Variants in PPP2R3A observed in about 807,000 individuals in gnomAD.
PPP2R3A encodes protein phosphatase 2 regulatory subunit B''alpha, also known as serine/threonine-protein phosphatase 2A regulatory subunit B'' subunit alpha.
A neutral mutation model predicts 106.9 loss-of-function variants in PPP2R3A; 80 were observed. That is an observed-to-expected ratio of 0.75 (90% CI 0.62 to 0.90). The LOEUF (loss-of-function observed/expected upper bound fraction) is 0.90. Ranked by LOEUF, PPP2R3A falls within the 40% of genes least tolerant of loss-of-function variation. PPP2R3A has a pLI of 0.00. For synonymous variants in PPP2R3A, 483 were observed against 468.3 expected (o/e 1.03, Z -0.41); for missense variants, 1,386 against 1,350.4 (o/e 1.03, Z -0.41).
intron 10 of PPP2R3A, among the ~76,000 whole-genome samples, chr3:136,094,608 C>T (rs1379107824): frequency 2.0e-5 from 3 of 152,128 alleles, no homozygotes; most frequent in East Asian, 1.9e-4. Context: ...CGTATACATA[C>T]ACAGATATGG....
At chr3:136,075,711 T>C (rs1279781952) in intron 6 of PPP2R3A, among the ~76,000 whole-genome samples, 5 of 152,144 alleles carry the variant, frequency 3.3e-5, no homozygotes, top group Admixed American at 2.0e-4. Flanking sequence ...ATATAAAGTA[T>C]TTGAGTATAT....
intron 5 of PPP2R3A, among the ~76,000 whole-genome samples, chr3:136,060,606 C>T (rs56954147): frequency 7.6e-4 from 116 of 152,250 alleles, no homozygotes; most frequent in African/African-American, 2.6e-3. Context: ...CTTCGCCTTT[C>T]GCCATGATTG....
At position 136,116,952 on chromosome 3, in the gene PPP2R3A, A is replaced by G. The variant is rs551719916; in HGVS notation, c.3329+10630A>G. ...GAATATACATTCTCCTCAACACCAC[A>G]TCGCACTTATTCTACAATTGACCAC... is the stretch of plus-strand genomic sequence containing the variant. On this transcript the variant is annotated intron_variant, in intron 13 of 13. Coordinates refer to ENST00000264977, the MANE Select transcript of PPP2R3A (RefSeq NM_002718.5). Among the ~76,000 whole-genome samples, 5 of 152,356 alleles carry G rather than the reference A, an allele frequency of 3.3e-5. No homozygotes were observed. In the South Asian group the frequency reaches 8.3e-4, roughly 25 times the overall value.
intron 13 of PPP2R3A, among the ~76,000 whole-genome samples, chr3:136,121,906 T>C (rs761011740): frequency 7.9e-5 from 12 of 152,118 alleles, no homozygotes; most frequent in Non-Finnish European, 1.5e-4. Context: ...TTTTTCCCAA[T>C]GTTCCCTTCC....
At chr3:136,119,415 TGA>T (rs1160061226) in intron 13 of PPP2R3A, among the ~76,000 whole-genome samples, 1 of 152,074 alleles carries the variant, frequency 6.6e-6, no homozygotes, top group African/African-American at 2.4e-5. Flanking sequence ...AAAGAAACTA[TGA>T]GAGTGAACAG....
In PPP2R3A at chr3:136,101,991, T is replaced by C; in HGVS notation, c.2928-16T>C. 1 of 1,606,158 alleles carries C rather than the reference T, an allele frequency of 6.2e-7. No homozygotes were observed. Among genetic ancestry groups the C allele is most frequent in the Non-Finnish European group, 8.5e-7 (1 of 1,174,408 alleles). ...TCTTTACCAGGCCCATGATAATGATTGTCCTTATCATCTAGCATTGAGTAT... is the reference window on the plus strand; with the variant it reads ...TCTTTACCAGGCCCATGATAATGATCGTCCTTATCATCTAGCATTGAGTAT... On this transcript the variant is annotated splice_polypyrimidine_tract_variant and intron_variant, in intron 10 of 13. Transcript: ENST00000264977.
At chr3:135,984,711 A>G (rs1937582781) in intron 1 of PPP2R3A, among the ~76,000 whole-genome samples, 1 of 152,048 alleles carries the variant, frequency 6.6e-6, no homozygotes, top group African/African-American at 2.4e-5. Flanking sequence ...GGCTTTCTCA[A>G]CCATGCAGAA....
intron 11 of PPP2R3A, among the ~76,000 whole-genome samples, chr3:136,102,951 G>A (rs1937417159): frequency 6.6e-6 from 1 of 152,132 alleles, no homozygotes; most frequent in Non-Finnish European, 1.5e-5. Context: ...TTGGGGTGAT[G>A]ATATTATTAC....
intron 1 of PPP2R3A, among the ~76,000 whole-genome samples, chr3:135,998,153 C>G (rs1003654347): frequency 6.6e-6 from 1 of 152,204 alleles, no homozygotes; most frequent in South Asian, 2.1e-4. Context: ...ACTTGTACTT[C>G]GGCATTCACT....
chr3:136,016,990 C>T (rs1302256026), intron 2 of PPP2R3A, among the ~76,000 whole-genome samples: 1 of 152,156 alleles, frequency 6.6e-6, no homozygotes, highest in Non-Finnish European at 1.5e-5. Flanking sequence ...CTTGTTTTAG[C>T]AGTTCTTGTA....
rs1933723917 is a variant in PPP2R3A, at chr3:136,003,401, G to T, written c.1903G>T (p.Ala635Ser). ...GGAAACCTTGACAACTTCCTCCCAG[G>T]CCAATTTATCAGTCTGTAGAAGTCC... Reference protein sequence around the residue: ...LQETLTTSSQANLSVCRSPVG... With the variant: ...LQETLTTSSQSNLSVCRSPVG... Residue 635 changes from alanine (A) to serine (S), a missense_variant, in exon 2 of 14, where the codon GCC becomes TCC. By Grantham distance (99) the Ala-to-Ser change is moderately conservative (BLOSUM62 1). Coordinates refer to ENST00000264977, the MANE Select transcript of PPP2R3A (RefSeq NM_002718.5). 1 of 1,613,922 alleles carries T rather than the reference G, an allele frequency of 6.2e-7. No individual in the cohort carries two copies. The highest frequency in any genetic ancestry group is 1.1e-5 in the South Asian group (1 of 91,070).
chr3:136,092,972 A>G (rs1937129629), intron 10 of PPP2R3A, among the ~76,000 whole-genome samples: 1 of 152,254 alleles, frequency 6.6e-6, no homozygotes, highest in South Asian at 2.1e-4. Context: ...ATCACAGCCC[A>G]AAATGTATGA....
At chr3:136,106,944 A>C (rs1289597385) in intron 13 of PPP2R3A, 1 of 127,492 alleles carries the variant, frequency 7.8e-6, no homozygotes, top group African/African-American at 3.3e-5. Context: ...AAAAAAAAAA[A>C]AAAAAAAAAA....
chr3:135,997,680 A>G (rs1221305474), intron 1 of PPP2R3A, among the ~76,000 whole-genome samples: 1 of 152,214 alleles, frequency 6.6e-6, no homozygotes, highest in Non-Finnish European at 1.5e-5. Flanking sequence ...ACAAAAACAA[A>G]AAGTCTGTTT....
At chr3:135,990,367 A>G (rs902653915) in intron 1 of PPP2R3A, among the ~76,000 whole-genome samples, 1 of 152,130 alleles carries the variant, frequency 6.6e-6, no homozygotes, top group Non-Finnish European at 1.5e-5. Flanking sequence ...TCTAAAAGGA[A>G]TTGTCACTAG....
chr3:136,095,571 A>G (rs1362945842), intron 10 of PPP2R3A, among the ~76,000 whole-genome samples: 1 of 152,084 alleles, frequency 6.6e-6, no homozygotes, highest in African/African-American at 2.4e-5. Flanking sequence ...GGACTCTACC[A>G]CTATATGGCC....
At chr3:136,135,350 C>T (rs1258844450) in intron 13 of PPP2R3A, among the ~76,000 whole-genome samples, 1 of 151,978 alleles carries the variant, frequency 6.6e-6, no homozygotes, top group Non-Finnish European at 1.5e-5. Flanking sequence ...AGAATGTGAA[C>T]AAAGGAAAGG....
intron 2 of PPP2R3A, among the ~76,000 whole-genome samples, chr3:136,025,704 G>T (rs1162465540): frequency 1.3e-5 from 2 of 151,932 alleles, no homozygotes; most frequent in African/African-American, 2.4e-5. Flanking sequence ...TGGCATTAGG[G>T]TAATTTAAGG....
chr3:136,081,839 T>A (rs770957247), intron 7 of PPP2R3A, among the ~76,000 whole-genome samples: 3 of 152,222 alleles, frequency 2.0e-5, no homozygotes, highest in Non-Finnish European at 2.9e-5. Flanking sequence ...ATAAACTTAA[T>A]TTTATTACAA....
Sources: gnomAD v4.1 joint callset for allele counts (sites outside exome capture counted in the v4.1 genomes callset) on GRCh38, gnomAD v4.1.1 for gene constraint, MANE v1.5 for transcripts, NCBI Gene and HGNC (gene_info 2026-07-23, HGNC 2026-07-21) for gene names.